Variants in AGBL1 observed in about 807,000 individuals in gnomAD.
The protein encoded by AGBL1 is cytosolic carboxypeptidase 4.
A neutral mutation model predicts 118.9 loss-of-function variants in AGBL1; 130 were observed. The ratio of observed to expected loss-of-function variants is 1.09; its 90% CI spans 0.95 to 1.26. The LOEUF is 1.26. AGBL1 is among the 50% of genes most tolerant of loss of function. The pLI is 0.00. For synonymous variants in AGBL1, 555 were observed against 478.9 expected, an observed-to-expected ratio of 1.16 and a Z score of -2.08; for missense variants, 1,584 against 1,298.1, an observed-to-expected ratio of 1.22 and a Z score of -3.38.
chr15:86,404,036 A>G (rs893483584), intron 18 of AGBL1, among the ~76,000 whole-genome samples: 1 of 152,200 alleles, frequency 6.6e-6, no homozygotes, highest in African/African-American at 2.4e-5. Context: ...TGGGAGAGCT[A>G]ACTTCAAATC....
chr15:87,027,823 G>A (rs1299505093), intron 24 of AGBL1, among the ~76,000 whole-genome samples: 2 of 151,962 alleles, frequency 1.3e-5, no homozygotes, highest in Non-Finnish European at 2.9e-5. Context: ...ACAAGTGGGA[G>A]CTGAACTTTG....
At chr15:86,759,542 G>T (rs1217002795) in intron 22 of AGBL1, among the ~76,000 whole-genome samples, 1 of 152,036 alleles carries the variant, frequency 6.6e-6, no homozygotes, top group Admixed American at 6.6e-5. Context: ...AGTTATTTAA[G>T]AATTAATCAA....
intron 21 of AGBL1, among the ~76,000 whole-genome samples, chr15:86,648,695 C>G (rs535890819): frequency 2.0e-5 from 3 of 152,180 alleles, no homozygotes; most frequent in Non-Finnish European, 4.4e-5. Context: ...AGTGTAGAGA[C>G]TAACAGAAGA....
In AGBL1 at chr15:86,564,312, G is replaced by T. The variant is rs569492531; in HGVS notation, c.2994+9775G>T. ...TTTAGTGCTTCCTTCAGGAGCTCTT[G>T]TAGGGCAGGCCTGGAGGTGACACAA... is the stretch of plus-strand genomic sequence containing the variant. On this transcript the variant is annotated intron_variant, in intron 21 of 22. Transcript: ENST00000614907. Among the ~76,000 whole-genome samples, 14 of 152,264 alleles carry T rather than the reference G, an allele frequency of 9.2e-5. No individual in the cohort carries two copies. The South Asian group carries it at 1.5e-3, about 16-fold the overall frequency.
At chr15:86,648,846 G>T (rs1304413733) in intron 21 of AGBL1, among the ~76,000 whole-genome samples, 1 of 152,144 alleles carries the variant, frequency 6.6e-6, no homozygotes, top group East Asian at 1.9e-4. Flanking sequence ...AGTAAGAACT[G>T]GCTATCAGAT....
chr15:86,267,598 C>T (rs1217727610), intron 13 of AGBL1, among the ~76,000 whole-genome samples: 1 of 152,092 alleles, frequency 6.6e-6, no homozygotes, highest in Non-Finnish European at 1.5e-5. Context: ...TACCATGCCT[C>T]TCTAGCAGAA....
chr15:86,522,967 T>TCTAC, intron 19 of AGBL1, 28 bp downstream of exon 19: 1 of 1,608,172 alleles, frequency 6.2e-7, no homozygotes, highest in South Asian at 1.1e-5. Context: ...GCCTCCACCT[T>TCTAC]CCTGGCTGCT....
At chr15:86,381,021 C>T (rs1428414445) in intron 17 of AGBL1, among the ~76,000 whole-genome samples, 10 of 152,120 alleles carry the variant, frequency 6.6e-5, no homozygotes, top group Non-Finnish European at 2.9e-5. Flanking sequence ...CACATATACT[C>T]AGGGGCCTTT....
At chr15:86,710,082 G>A (rs1333610206) in intron 22 of AGBL1, among the ~76,000 whole-genome samples, 1 of 152,160 alleles carries the variant, frequency 6.6e-6, no homozygotes, top group African/African-American at 2.4e-5. Context: ...TGGAGGGGAT[G>A]TGCTAGAACA....
At chr15:86,983,805 T>C (rs2081254430) in intron 23 of AGBL1, among the ~76,000 whole-genome samples, 1 of 152,198 alleles carries the variant, frequency 6.6e-6, no homozygotes, top group Non-Finnish European at 1.5e-5. Context: ...ACAAAAGTAC[T>C]TGGTGTCTCT....
At chr15:86,395,711 C>A (rs568514038) in intron 17 of AGBL1, among the ~76,000 whole-genome samples, 1 of 152,086 alleles carries the variant, frequency 6.6e-6, no homozygotes, top group Non-Finnish European at 1.5e-5. Context: ...CTGATCTACA[C>A]CCCTTAAATC....
chr15:86,364,656 AC>A (rs1162151135), intron 17 of AGBL1, among the ~76,000 whole-genome samples: 2 of 152,102 alleles, frequency 1.3e-5, no homozygotes, highest in African/African-American at 2.4e-5. Context: ...ATATTGATAT[AC>A]AACTGTATTT....
At chr15:86,884,165 G>C (rs1470420945) in intron 22 of AGBL1, among the ~76,000 whole-genome samples, 1 of 151,990 alleles carries the variant, frequency 6.6e-6, no homozygotes, top group Non-Finnish European at 1.5e-5. Flanking sequence ...TTGCACTTTG[G>C]GGCCATTATT....
At chr15:86,998,446 G>C (rs140993913) in intron 24 of AGBL1, among the ~76,000 whole-genome samples, 105 of 152,224 alleles carry the variant, frequency 6.9e-4, no homozygotes, top group African/African-American at 2.3e-3. Context: ...ACATGAATTG[G>C]GAGTGGATAC....
chr15:86,279,813 C>G, intron 16 of AGBL1, 30 bp downstream of exon 16: 1 of 1,611,034 alleles, frequency 6.2e-7, no homozygotes, highest in South Asian at 1.1e-5. Flanking sequence ...ATCACTCCAG[C>G]AGGACTGAAG....
At chr15:86,855,687 G>T (rs1446414065) in intron 22 of AGBL1, among the ~76,000 whole-genome samples, 1 of 152,200 alleles carries the variant, frequency 6.6e-6, no homozygotes, top group Non-Finnish European at 1.5e-5. Flanking sequence ...AGTGTAATTA[G>T]AGCAAAAACC....
At chr15:86,753,432 C>T (rs1329443585) in intron 22 of AGBL1, among the ~76,000 whole-genome samples, 1 of 131,938 alleles carries the variant, frequency 7.6e-6, no homozygotes, top group Non-Finnish European at 1.6e-5. Context: ...GAGTCTTACT[C>T]TGTCGCCCAG....
At chr15:86,411,866 G>A (rs891958239) in intron 18 of AGBL1, among the ~76,000 whole-genome samples, 6 of 152,268 alleles carry the variant, frequency 3.9e-5, no homozygotes, top group African/African-American at 1.4e-4. Context: ...AGTGATTACA[G>A]CAGGATTTTA....
intron 6 of AGBL1, among the ~76,000 whole-genome samples, chr15:86,231,267 A>G (rs1006113699): frequency 6.6e-6 from 1 of 152,208 alleles, no homozygotes; most frequent in African/African-American, 2.4e-5. Flanking sequence ...TAATACATTA[A>G]TGTTGACTAA....
Sources: allele counts gnomAD v4.1 joint callset (sites outside exome capture counted in the v4.1 genomes callset), GRCh38; gene constraint gnomAD v4.1.1; transcripts MANE v1.5; gene names NCBI Gene and HGNC (gene_info 2026-07-23, HGNC 2026-07-21).